The following CCDC171 variants were observed in gnomAD, a reference collection of about 807,000 sequenced individuals.
CCDC171 encodes the protein coiled-coil domain-containing protein 171.
CCDC171 carries 177 observed loss-of-function variants against 168.2 expected under a neutral mutation model. That is an observed-to-expected ratio of 1.05 (90% CI 0.93 to 1.19). The LOEUF (loss-of-function observed/expected upper bound fraction) is 1.19. CCDC171 is among the 50% of genes most tolerant of loss of function. The probability of loss-of-function intolerance (pLI) is 0.00; values close to 1 mark genes in which losing one functional copy is unlikely to be tolerated. For missense variants in CCDC171, 1,991 were observed against 1,539.0 expected (o/e 1.29, Z -4.91); for synonymous variants, 687 against 540.8 (o/e 1.27, Z -3.75).
intron 3 of CCDC171, among the ~76,000 whole-genome samples, chr9:16,000,665 C>T (rs1832512799): frequency 6.6e-6 from 1 of 151,992 alleles, no homozygotes. Context: ...CTTTTGACTC[C>T]CTATTTCCTT....
At chr9:15,642,219 C>T (rs1456075753) in intron 7 of CCDC171, among the ~76,000 whole-genome samples, 1 of 150,604 alleles carries the variant, frequency 6.6e-6, no homozygotes, top group Non-Finnish European at 1.5e-5. Context: ...AGTGTAATAC[C>T]TGTATTATAG....
chr9:15,933,391 T>A (rs928710756), intron 25 of CCDC171, among the ~76,000 whole-genome samples: 1 of 151,912 alleles, frequency 6.6e-6, no homozygotes, highest in Non-Finnish European at 1.5e-5. Context: ...ATATTATTTA[T>A]TTTTTCTTTC....
intron 16 of CCDC171, among the ~76,000 whole-genome samples, chr9:15,731,816 A>C (rs1471563109): frequency 6.6e-6 from 1 of 152,092 alleles, no homozygotes; most frequent in Non-Finnish European, 1.5e-5. Context: ...CACCAGCAAC[A>C]CATGTAAGTT....
chr9:15,571,706 C>G lies in CCDC171; in HGVS notation c.124C>G (p.Leu42Val). The G allele has an allele frequency of 6.3e-7, 1 of 1,587,892 alleles. No individual in the cohort carries two copies. ...LDITDNLRKK[L>V]HWAKKEKLEI... ...TATTACTGATAATCTCAGGAAGAAA[C>G]TCCATTGGGCTAAAAAAGAAAAGTT... Residue 42 changes from leucine to valine, a missense_variant, in exon 3 of 26, where the codon CTC becomes GTC. Physicochemically the swap from Leu to Val is conservative, Grantham distance 32. Coordinates refer to ENST00000380701, the MANE Select transcript of CCDC171 (RefSeq NM_173550.4).
At chr9:15,619,183 C>T (rs1387541604) in intron 6 of CCDC171, among the ~76,000 whole-genome samples, 3 of 152,082 alleles carry the variant, frequency 2.0e-5, no homozygotes, top group African/African-American at 7.2e-5. Flanking sequence ...CTACAGTGTC[C>T]TCTAAGTGTT....
At chr9:15,618,959 G>A (rs2044303239) in intron 6 of CCDC171, among the ~76,000 whole-genome samples, 1 of 152,014 alleles carries the variant, frequency 6.6e-6, no homozygotes, top group South Asian at 2.1e-4. Flanking sequence ...TTTGGCCATC[G>A]TGGCCCCTCC....
intron 18 of CCDC171, among the ~76,000 whole-genome samples, chr9:15,746,208 C>G (rs1260888396): frequency 6.6e-6 from 1 of 152,078 alleles, no homozygotes; most frequent in East Asian, 1.9e-4. Context: ...TCAATGAAAA[C>G]TAATTGGACT....
At chr9:15,615,269 C>G (rs1269793257) in intron 6 of CCDC171, among the ~76,000 whole-genome samples, 1 of 152,048 alleles carries the variant, frequency 6.6e-6, no homozygotes, top group Non-Finnish European at 1.5e-5. Flanking sequence ...TGTAATATAA[C>G]TTTTCTTCAT....
intron 23 of CCDC171, among the ~76,000 whole-genome samples, chr9:15,864,266 C>T (rs186865514): frequency 4.6e-4 from 70 of 152,132 alleles, no homozygotes; most frequent in Non-Finnish European, 2.6e-4. Context: ...TTTTTAATAG[C>T]TCTACCAGTA....
At chr9:15,718,153 T>C (rs2053213345) in intron 11 of CCDC171, among the ~76,000 whole-genome samples, 1 of 152,150 alleles carries the variant, frequency 6.6e-6, no homozygotes, top group African/African-American at 2.4e-5. Flanking sequence ...ACAAGCTGAC[T>C]GAAGAGCTCT....
At chr9:16,087,351 T>C in the CCDC171 span, among the ~76,000 whole-genome samples, 393 of 152,200 alleles carry the variant, frequency 2.6e-3, 2 homozygotes, top group African/African-American at 9.2e-3. Flanking sequence ...CCCACTATTA[T>C]TGTGTGGGAG....
chr9:15,838,560 A>T (rs2060546288), intron 21 of CCDC171, among the ~76,000 whole-genome samples: 1 of 152,218 alleles, frequency 6.6e-6, no homozygotes, highest in Non-Finnish European at 1.5e-5. Flanking sequence ...AGTTCATAGA[A>T]AACATTAAAG....
chr9:15,819,661 C>G (rs2059689997), intron 21 of CCDC171, among the ~76,000 whole-genome samples: 1 of 116,930 alleles, frequency 8.6e-6, no homozygotes. Context: ...ATATATGCAC[C>G]CAATACAGGA....
intron 21 of CCDC171, among the ~76,000 whole-genome samples, chr9:15,833,033 G>A (rs142721985): frequency 0.016 from 2,300 of 141,744 alleles, 75 homozygotes; most frequent in African/African-American, 0.058. Context: ...TGTTGCCCAG[G>A]CTGGAATGCA....
At chr9:15,789,863 G>C (rs10962159) in intron 21 of CCDC171, among the ~76,000 whole-genome samples, 55,484 of 150,314 alleles carry the variant, frequency 0.37, 12,568 homozygotes, top group East Asian at 0.65. Context: ...TTGGTTTTTT[G>C]TCCCTGCAAT....
chr9:15,700,515 C>T (rs1463602053), intron 11 of CCDC171, among the ~76,000 whole-genome samples: 1 of 152,236 alleles, frequency 6.6e-6, no homozygotes, highest in Admixed American at 6.5e-5. Flanking sequence ...CTGAAGGGCT[C>T]CTTAAGTGCC....
intron 21 of CCDC171, among the ~76,000 whole-genome samples, chr9:15,809,015 T>C (rs1030101745): frequency 6.6e-6 from 1 of 152,134 alleles, no homozygotes; most frequent in Non-Finnish European, 1.5e-5. Flanking sequence ...CTTTGGGCCT[T>C]ATTTATATAA....
rs1046307140 is a variant in CCDC171, at chr9:15,763,444, G to GT, written c.2672-14153dup. 7.5e-4 allele frequency among the ~76,000 whole-genome samples: 114 copies of GT among 152,268 alleles called. 1 individual carries two copies. Among genetic ancestry groups the GT allele is most frequent in the African/African-American group, 2.5e-3 (105 of 41,552 alleles). ...CCAACTTGCTAATCATATGGTTGGT[G>GT]TTTCAGGCATGGCCAGCCCTTATCC... On this transcript the variant is annotated intron_variant, in intron 18 of 25. Transcript: ENST00000380701.
chr9:16,010,410 G>T (rs1191823435), intron 3 of CCDC171, among the ~76,000 whole-genome samples: 2 of 152,064 alleles, frequency 1.3e-5, no homozygotes, highest in Non-Finnish European at 2.9e-5. Flanking sequence ...TGCGTCACTA[G>T]GGAATGCCTA....
Sources: gnomAD v4.1 joint callset for allele counts (sites outside exome capture counted in the v4.1 genomes callset) on GRCh38, gnomAD v4.1.1 for gene constraint, MANE v1.5 for transcripts, NCBI Gene and HGNC (gene_info 2026-07-23, HGNC 2026-07-21) for gene names.